Variants in DCDC2C observed in about 807,000 individuals in gnomAD.
DCDC2C encodes the protein doublecortin domain-containing protein 2C.
A neutral mutation model predicts 45.0 loss-of-function variants in DCDC2C; 44 were observed. That is an observed-to-expected ratio of 0.98 (90% CI 0.77 to 1.26). DCDC2C has a LOEUF of 1.26. DCDC2C is among the 50% of genes most tolerant of loss of function. The probability of loss-of-function intolerance (pLI) is 0.00; values close to 1 mark genes in which losing one functional copy is unlikely to be tolerated. For missense variants in DCDC2C, 447 were observed against 468.9 expected, an observed-to-expected ratio of 0.95 and a Z score of 0.43; for synonymous variants, 187 against 178.8, an observed-to-expected ratio of 1.05 and a Z score of -0.37.
intron 10 of DCDC2C, among the ~76,000 whole-genome samples, chr2:3,837,780 C>A (rs1276671747): frequency 6.6e-6 from 1 of 152,130 alleles, no homozygotes; most frequent in Non-Finnish European, 1.5e-5. Context: ...GGTGGACCTT[C>A]CTCAGCCGGC....
chr2:3,741,630 C>T (rs1486841273), intron 3 of DCDC2C, among the ~76,000 whole-genome samples: 2 of 152,064 alleles, frequency 1.3e-5, no homozygotes, highest in African/African-American at 4.8e-5. Flanking sequence ...CCTAAGGCAC[C>T]TTCACTCCTA....
chr2:3,794,356 A>T (rs1670900065), intron 10 of DCDC2C, among the ~76,000 whole-genome samples: 1 of 152,028 alleles, frequency 6.6e-6, no homozygotes, highest in Admixed American at 6.5e-5. Flanking sequence ...TTTTATTATT[A>T]TTTTTAAATT....
intron 9 of DCDC2C, among the ~76,000 whole-genome samples, chr2:3,780,702 C>T (rs1168634469): frequency 3.3e-5 from 5 of 152,136 alleles, no homozygotes; most frequent in South Asian, 2.1e-4. Flanking sequence ...ACTGCGCAGC[C>T]GTTCCCACAT....
intron 10 of DCDC2C, among the ~76,000 whole-genome samples, chr2:3,845,904 A>G (rs1672316327): frequency 6.6e-6 from 1 of 152,148 alleles, no homozygotes; most frequent in Admixed American, 6.5e-5. Context: ...CCTGAACATT[A>G]GTTGTCTTCT....
intron 2 of DCDC2C, among the ~76,000 whole-genome samples, chr2:3,724,155 T>G (rs565801182): frequency 6.6e-6 from 1 of 152,332 alleles, no homozygotes; most frequent in Non-Finnish European, 1.5e-5. Context: ...CAGCTGCTGC[T>G]CAGAGAAGTG....
intron 4 of DCDC2C, among the ~76,000 whole-genome samples, chr2:3,747,110 G>C (rs1331014918): frequency 6.6e-6 from 1 of 152,196 alleles, no homozygotes; most frequent in Non-Finnish European, 1.5e-5. Context: ...GATGTTCTAA[G>C]AGCTAATGAT....
chr2:3,839,600 C>A (rs1439863756), intron 10 of DCDC2C, among the ~76,000 whole-genome samples: 2 of 152,120 alleles, frequency 1.3e-5, no homozygotes, highest in Non-Finnish European at 2.9e-5. Context: ...TAATCAAAAC[C>A]AGCCTGCTCT....
chr2:3,797,168 T>C (rs1470384850), intron 10 of DCDC2C, among the ~76,000 whole-genome samples: 1 of 152,268 alleles, frequency 6.6e-6, no homozygotes, highest in African/African-American at 2.4e-5. Flanking sequence ...GAGTTGTTTG[T>C]AGTATTCTCT....
At chr2:3,728,337 A>G (rs1005829683) in intron 3 of DCDC2C, among the ~76,000 whole-genome samples, 1 of 152,220 alleles carries the variant, frequency 6.6e-6, no homozygotes, top group Non-Finnish European at 1.5e-5. Flanking sequence ...AGATCTTTCC[A>G]CACCACTTTT....
At chr2:3,748,661 G>T (rs565635922) in intron 4 of DCDC2C, among the ~76,000 whole-genome samples, 3 of 152,270 alleles carry the variant, frequency 2.0e-5, no homozygotes, top group Admixed American at 1.3e-4. Flanking sequence ...TGTTGTGGAT[G>T]GTATTGACGG....
rs999734776 is a variant in DCDC2C at position 3,704,021 on chromosome 2, G to A, written c.270G>A (p.Glu90=). 1.6e-6 allele frequency: 2 copies of A among 1,275,668 alleles called. No homozygotes were observed. Among genetic ancestry groups the A allele is most frequent in the South Asian group, 2.5e-5 (1 of 39,742 alleles). The allele number at this position is 1,275,668 out of a possible 1,614,324, so 79.0% of individuals were successfully genotyped here. A position where few individuals can be genotyped will look rare whatever the true frequency, so the allele number is the denominator to read the frequency against. ...AGGKYVAAGR[E]RFKELDYIHI... ...GCAAGTACGTGGCGGCGGGCCGCGA[G>A]CGCTTCAAGGAGCTCGAGTAAGTGC... Residue 90 remains glutamate, a synonymous_variant, in exon 1 of 11, where the codon GAG becomes GAA. Transcript: ENST00000399143.
At chr2:3,747,690 A>T (rs6728753) in intron 4 of DCDC2C, among the ~76,000 whole-genome samples, 4,029 of 152,312 alleles carry the variant, frequency 0.026, 190 homozygotes, top group African/African-American at 0.091. Flanking sequence ...CATAACATAC[A>T]GAACCTTTCT....
At chr2:3,706,868 C>T (rs964803367) in intron 1 of DCDC2C, among the ~76,000 whole-genome samples, 2 of 152,172 alleles carry the variant, frequency 1.3e-5, no homozygotes, top group African/African-American at 2.4e-5. Context: ...ACCTGAGTAA[C>T]GTTCAGCAAG....
At chr2:3,844,968 A>G (rs1186575232) in intron 10 of DCDC2C, among the ~76,000 whole-genome samples, 2 of 152,094 alleles carry the variant, frequency 1.3e-5, no homozygotes, top group Non-Finnish European at 2.9e-5. Flanking sequence ...AATTATACAT[A>G]CCTATTTTTA....
chr2:3,781,394 G>T (rs1481443697), intron 9 of DCDC2C, among the ~76,000 whole-genome samples: 2 of 152,234 alleles, frequency 1.3e-5, no homozygotes, highest in African/African-American at 2.4e-5. Flanking sequence ...GACCGGGATT[G>T]TGTCCTGTCA....
intron 3 of DCDC2C, among the ~76,000 whole-genome samples, chr2:3,738,079 ATAAAAT>A (rs1669082839): frequency 6.6e-6 from 1 of 152,234 alleles, no homozygotes; most frequent in African/African-American, 2.4e-5. Context: ...AATTAAAAAA[ATAAAAT>A]TAATTTCAGC....
chr2:3,758,134 T>G (rs745521455), intron 6 of DCDC2C, among the ~76,000 whole-genome samples: 16 of 152,216 alleles, frequency 1.1e-4, no homozygotes, highest in Admixed American at 2.0e-4. Context: ...CCTGAAAAAC[T>G]GTGACATTCC....
At chr2:3,743,803 C>T (rs891757490) in intron 4 of DCDC2C, among the ~76,000 whole-genome samples, 1 of 152,168 alleles carries the variant, frequency 6.6e-6, no homozygotes, top group African/African-American at 2.4e-5. Flanking sequence ...TGCGGTGGCT[C>T]ACGCCTGTAA....
chr2:3,830,509 C>G (rs1389685485), intron 10 of DCDC2C, among the ~76,000 whole-genome samples: 1 of 152,166 alleles, frequency 6.6e-6, no homozygotes, highest in Non-Finnish European at 1.5e-5. Flanking sequence ...TAAGATGAGG[C>G]CAAGGAATTA....
Sources: gnomAD v4.1 joint callset for allele counts (sites outside exome capture counted in the v4.1 genomes callset) on GRCh38, gnomAD v4.1.1 for gene constraint, MANE v1.5 for transcripts, NCBI Gene and HGNC (gene_info 2026-07-23, HGNC 2026-07-21) for gene names.